PPP2R2B: variants seen among roughly 807,000 people sequenced by gnomAD.
PPP2R2B encodes protein phosphatase 2 regulatory subunit Bbeta.
Under a neutral mutation model 46.0 loss-of-function variants are expected in PPP2R2B, and 5 were observed. The ratio of observed to expected loss-of-function variants is 0.11; its 90% CI spans 0.06 to 0.23. The LOEUF (loss-of-function observed/expected upper bound fraction) is 0.23, where lower values mean the gene tolerates loss of function less well. Ranked by LOEUF, PPP2R2B falls within the 10% of genes least tolerant of loss-of-function variation. The pLI, the probability that PPP2R2B is intolerant of heterozygous loss-of-function variation, is 1.00. For missense variants in PPP2R2B, 367 were observed against 575.0 expected, an observed-to-expected ratio of 0.64 and a Z score of 3.70; for synonymous variants, 215 against 206.7, an observed-to-expected ratio of 1.04 and a Z score of -0.34.
intron 2 of PPP2R2B, among the ~76,000 whole-genome samples, chr5:146,711,312 G>A (rs955658068): frequency 1.3e-5 from 2 of 152,016 alleles, no homozygotes; most frequent in African/African-American, 4.8e-5. Context: ...ACTGAAGAGA[G>A]CCAATACCAA....
At chr5:146,745,618 T>C (rs1454011255) in intron 2 of PPP2R2B, among the ~76,000 whole-genome samples, 2 of 152,170 alleles carry the variant, frequency 1.3e-5, no homozygotes, top group Non-Finnish European at 2.9e-5. Flanking sequence ...ACTGCTTGCC[T>C]TCTGGCATGA....
At chr5:146,639,151 C>CTG (rs1376526343) in intron 6 of PPP2R2B, among the ~76,000 whole-genome samples, 1 of 152,194 alleles carries the variant, frequency 6.6e-6, no homozygotes, top group Non-Finnish European at 1.5e-5. Context: ...GGTGCAAAGT[C>CTG]TGTGCTCTTT....
At chr5:146,848,534 T>C (rs1760146638) in intron 2 of PPP2R2B, among the ~76,000 whole-genome samples, 1 of 152,100 alleles carries the variant, frequency 6.6e-6, no homozygotes, top group Admixed American at 6.6e-5. Flanking sequence ...TCCAGTGGAA[T>C]TTATTTGATG....
intron 2 of PPP2R2B, among the ~76,000 whole-genome samples, chr5:146,780,908 A>T (rs1005689940): frequency 1.3e-5 from 2 of 151,926 alleles, no homozygotes; most frequent in African/African-American, 4.8e-5. Flanking sequence ...AAGGCATCAC[A>T]TGATAGAACT....
intron 5 of PPP2R2B, among the ~76,000 whole-genome samples, chr5:146,656,240 G>C (rs1270124356): frequency 1.3e-5 from 2 of 151,930 alleles, no homozygotes; most frequent in Non-Finnish European, 1.5e-5. Flanking sequence ...GAGGGAGTGG[G>C]GTATGAACAG....
At chr5:146,783,720 T>C (rs1161419355) in intron 2 of PPP2R2B, among the ~76,000 whole-genome samples, 2 of 152,208 alleles carry the variant, frequency 1.3e-5, no homozygotes, top group Admixed American at 1.3e-4. Context: ...CATTTGTAAG[T>C]CTCTGGCAGA....
intron 2 of PPP2R2B, among the ~76,000 whole-genome samples, chr5:146,815,833 GTTCA>G (rs914587263): frequency 2.0e-5 from 3 of 152,148 alleles, no homozygotes; most frequent in Non-Finnish European, 4.4e-5. Flanking sequence ...CATCAAAACT[GTTCA>G]TTATTTAAAA....
At chr5:146,608,883 CAACT>C (rs1772564120) in intron 7 of PPP2R2B, among the ~76,000 whole-genome samples, 1 of 152,148 alleles carries the variant, frequency 6.6e-6, no homozygotes, top group Non-Finnish European at 1.5e-5. Flanking sequence ...AATTCTACTC[CAACT>C]GTTACAAAAA....
At chr5:146,617,353 A>G (rs1773265772) in intron 7 of PPP2R2B, among the ~76,000 whole-genome samples, 1 of 152,242 alleles carries the variant, frequency 6.6e-6, no homozygotes, top group Non-Finnish European at 1.5e-5. Context: ...TTAAAAATAA[A>G]GGAGTATAAC....
chr5:146,690,567 C>T (rs762351002), intron 5 of PPP2R2B, among the ~76,000 whole-genome samples: 14 of 152,184 alleles, frequency 9.2e-5, no homozygotes, highest in Non-Finnish European at 1.8e-4. Flanking sequence ...GAGGACCAGC[C>T]ATAGAGGAAG....
At chr5:147,063,436 A>G (rs1227396403) in intron 2 of PPP2R2B, among the ~76,000 whole-genome samples, 1 of 152,240 alleles carries the variant, frequency 6.6e-6, no homozygotes, top group Admixed American at 6.5e-5. Context: ...TATTTGGGCT[A>G]TGCACTTATT....
intron 1 of PPP2R2B, among the ~76,000 whole-genome samples, chr5:146,926,958 G>A (rs1449517052): frequency 6.6e-6 from 1 of 152,094 alleles, no homozygotes. Flanking sequence ...TGACAACTTT[G>A]CTTGGTGTCT....
At chr5:146,916,155 T>C (rs1479645515) in intron 1 of PPP2R2B, among the ~76,000 whole-genome samples, 1 of 152,196 alleles carries the variant, frequency 6.6e-6, no homozygotes, top group Admixed American at 6.5e-5. Flanking sequence ...AATATCTGTT[T>C]TGAAACACCA....
chr5:146,865,144 C>T (rs989070608), intron 2 of PPP2R2B, among the ~76,000 whole-genome samples: 1 of 152,116 alleles, frequency 6.6e-6, no homozygotes, highest in African/African-American at 2.4e-5. Context: ...CATTATTAGG[C>T]AACAGGCAAA....
At position 146,941,499 on chromosome 5, in the gene PPP2R2B, T is replaced by C. The variant is rs2060215; in HGVS notation, c.79+114166A>G. On this transcript the variant is annotated intron_variant, in intron 1 of 8. Coordinates refer to the PPP2R2B transcript ENST00000336640. ...AGTCTTTGGGGCCCTTGAAAAATGA[T>C]GCTTCTGTTGCTTAGGGGTGTGTTC... Among the ~76,000 whole-genome samples the C allele has an allele frequency of 2.4e-3, 368 of 152,280 alleles. 7 individuals are homozygous for C. Among genetic ancestry groups the C allele is most frequent in the African/African-American group, 8.5e-3 (352 of 41,568 alleles).
chr5:147,031,132 G>T (rs1332336428), intron 1 of PPP2R2B, among the ~76,000 whole-genome samples: 1 of 152,110 alleles, frequency 6.6e-6, no homozygotes, highest in South Asian at 2.1e-4. Flanking sequence ...AGCCACTCGG[G>T]AGGCTGAGGC....
chr5:146,927,318 C>T (rs1033921408), intron 1 of PPP2R2B, among the ~76,000 whole-genome samples: 1 of 152,052 alleles, frequency 6.6e-6, no homozygotes, highest in African/African-American at 2.4e-5. Context: ...GGTTTTGACT[C>T]GTCTCTCTCT....
intron 2 of PPP2R2B, among the ~76,000 whole-genome samples, chr5:146,859,960 T>C (rs1760890163): frequency 1.3e-5 from 2 of 151,908 alleles, no homozygotes; most frequent in Admixed American, 6.6e-5. Flanking sequence ...GAAGAAAATA[T>C]GGTATTTAGC....
At chr5:146,832,379 C>CTTTTTTTTTTTTTT in intron 2 of PPP2R2B, among the ~76,000 whole-genome samples, 2 of 70,192 alleles carry the variant, frequency 2.8e-5, no homozygotes, top group Non-Finnish European at 5.4e-5. Context: ...CATTTTTAAT[C>CTTTTTTTTTTTTTT]TTTTTTTTTT....
Sources: allele counts gnomAD v4.1 joint callset (sites outside exome capture counted in the v4.1 genomes callset), GRCh38; gene constraint gnomAD v4.1.1; transcripts MANE v1.5; gene names NCBI Gene and HGNC (gene_info 2026-07-23, HGNC 2026-07-21).